USP32: variants seen among roughly 807,000 people sequenced by gnomAD.
USP32 encodes the protein ubiquitin carboxyl-terminal hydrolase 32.
Under a neutral mutation model 204.8 loss-of-function variants are expected in USP32, and 59 were observed. That is an observed-to-expected ratio of 0.29 (90% CI 0.23 to 0.36). The LOEUF (loss-of-function observed/expected upper bound fraction) is 0.36. USP32 is among the 10% of genes least tolerant of loss of function. USP32 has a pLI of 1.00. For synonymous variants in USP32, 517 were observed against 678.4 expected (o/e 0.76, Z 3.70); for missense variants, 1,160 against 1,946.4 (o/e 0.60, Z 7.60).
intron 1 of USP32, among the ~76,000 whole-genome samples, chr17:60,373,050 G>A (rs538618494): frequency 5.7e-4 from 86 of 151,952 alleles, no homozygotes; most frequent in African/African-American, 1.8e-3. Flanking sequence ...ACCCATAGTC[G>A]CAGCTACTCT....
chr17:60,305,776 G>A (rs2087708215), intron 2 of USP32, among the ~76,000 whole-genome samples: 1 of 152,148 alleles, frequency 6.6e-6, no homozygotes, highest in Admixed American at 6.5e-5. Context: ...AGCAGTGAGG[G>A]TAAAATTAAG....
chr17:60,283,046 A>T (rs1328342563), intron 5 of USP32, among the ~76,000 whole-genome samples: 1 of 152,378 alleles, frequency 6.6e-6, no homozygotes, highest in Non-Finnish European at 1.5e-5. Context: ...GTGTTGCAGA[A>T]ATGCAAATAG....
At position 60,419,849 on chromosome 17, in the gene USP32, T is replaced by TTA. The variant is rs1254283674; in HGVS notation, c.106+2395_106+2396dup. On this transcript the variant is annotated intron_variant, in intron 1 of 3. Transcript: ENST00000588898. ...ATTATTATTATTATTATTATTATTA[T>TTA]TATTATTATTATTTTATTATTATTA... 2.7e-3 allele frequency among the ~76,000 whole-genome samples: 354 copies of TTA among 131,206 alleles called. 3 individuals carry two copies. The highest frequency in any genetic ancestry group is 0.011 in the African/African-American group (327 of 29,662). 86.1% of individuals were successfully genotyped at this position (131,206 alleles called of 152,430 possible).
At chr17:60,223,685 T>TAC in intron 13 of USP32, 99 bp from the exon 14 acceptor site, 2 of 1,022,784 alleles carry the variant, frequency 2.0e-6, no homozygotes, top group Non-Finnish European at 2.8e-6. Flanking sequence ...TATTACTCTG[T>TAC]TGACATGTCA....
intron 1 of USP32, among the ~76,000 whole-genome samples, chr17:60,401,243 G>A (rs2089932937): frequency 6.6e-6 from 1 of 151,882 alleles, no homozygotes; most frequent in African/African-American, 2.4e-5. Flanking sequence ...GGTGGTGGGC[G>A]CCTGTAGTCC....
intron 1 of USP32, among the ~76,000 whole-genome samples, chr17:60,361,113 A>G (rs955687588): frequency 6.6e-6 from 1 of 152,188 alleles, no homozygotes; most frequent in Non-Finnish European, 1.5e-5. Flanking sequence ...TGGGCAACAG[A>G]GCAACACTCT....
At chr17:60,392,583 A>G (rs2146148447), upstream of USP32, 1 of 441,116 alleles carries the variant, frequency 2.3e-6, no homozygotes, top group East Asian at 8.0e-5. Context: ...GGAAGACCGC[A>G]GAATCTTAGG....
intron 1 of USP32, among the ~76,000 whole-genome samples, chr17:60,385,730 T>C (rs1300470713): frequency 6.7e-6 from 1 of 149,990 alleles, no homozygotes; most frequent in Non-Finnish European, 1.5e-5. Flanking sequence ...TAATCCCAGC[T>C]ACTTGGAAGG....
chr17:60,365,967 C>T (rs1488867370), intron 1 of USP32, among the ~76,000 whole-genome samples: 1 of 152,058 alleles, frequency 6.6e-6, no homozygotes, highest in Non-Finnish European at 1.5e-5. Context: ...GTCTCGCTCC[C>T]TTTTTCTTGT....
chr17:60,248,575 T>G (rs1170443715), intron 11 of USP32, among the ~76,000 whole-genome samples: 2 of 152,210 alleles, frequency 1.3e-5, no homozygotes, highest in African/African-American at 4.8e-5. Flanking sequence ...TGAAATAATC[T>G]CTATTGATCC....
chr17:60,251,864 G>C (rs894474244), intron 11 of USP32, among the ~76,000 whole-genome samples: 1 of 151,856 alleles, frequency 6.6e-6, no homozygotes, highest in African/African-American at 2.4e-5. Context: ...TTCAAAGAAG[G>C]CTTTATTCTA....
chr17:60,248,345 T>C (rs561153727), intron 11 of USP32, among the ~76,000 whole-genome samples: 9 of 152,342 alleles, frequency 5.9e-5, no homozygotes, highest in South Asian at 2.1e-4. Flanking sequence ...TATGTCTAGG[T>C]GTGATTCTTT....
intron 1 of USP32, among the ~76,000 whole-genome samples, chr17:60,405,143 C>T (rs975928496): frequency 9.2e-5 from 14 of 152,004 alleles, no homozygotes; most frequent in South Asian, 2.1e-4. Context: ...CCAGCCTAGG[C>T]GACAGAGCAA....
rs913133975 is a variant in USP32, at chr17:60,419,316, G to A, written c.106+2930C>T. Among the ~76,000 whole-genome samples, 3 of 152,284 alleles carry A rather than the reference G, an allele frequency of 2.0e-5. No homozygotes were observed. In the South Asian group the frequency reaches 6.2e-4, roughly 32 times the overall value. On this transcript the variant is annotated intron_variant, in intron 1 of 3. Transcript: ENST00000588898. ...CTTATAAGTAGGAGCTAAATGATGA[G>A]AACACATGAACACGTAGAGGGGAAC... is the stretch of plus-strand genomic sequence containing the variant.
intron 12 of USP32, among the ~76,000 whole-genome samples, chr17:60,229,770 T>C (rs2085493838): frequency 1.3e-5 from 2 of 152,232 alleles, no homozygotes; most frequent in African/African-American, 2.4e-5. Flanking sequence ...TATACTCACT[T>C]CTATATTCCA....
intron 1 of USP32, among the ~76,000 whole-genome samples, chr17:60,397,776 T>A (rs1355364987): frequency 2.0e-5 from 3 of 152,208 alleles, no homozygotes; most frequent in South Asian, 4.1e-4. Flanking sequence ...CAATAACTAT[T>A]ATCCTGATAC....
intron 2 of USP32, among the ~76,000 whole-genome samples, chr17:60,344,509 G>A (rs1160579904): frequency 6.6e-6 from 1 of 152,042 alleles, no homozygotes; most frequent in East Asian, 1.9e-4. Flanking sequence ...GAGTGCAGTG[G>A]TGCAATCATA....
chr17:60,207,803 T>C lies in USP32; in HGVS notation c.2925+256A>G, dbSNP rs1003157795. On this transcript the variant is annotated intron_variant, in intron 24 of 33. Transcript: ENST00000300896. ...GAAACCTATACTATAGTGACACAGC[T>C]AGAACACTCCATATAGGCAGCCTTA... The C allele has an allele frequency of 1.5e-5, 6 of 389,636 alleles. No homozygotes were observed. In the Admixed American group the frequency reaches 2.5e-4, roughly 16 times the overall value. The allele number at this position is 389,636 out of a possible 1,614,324, so 24.1% of individuals were successfully genotyped here.
intron 17 of USP32, among the ~76,000 whole-genome samples, chr17:60,213,945 G>GTTTTTTT (rs1318250567): frequency 7.2e-6 from 1 of 139,622 alleles, no homozygotes; most frequent in Non-Finnish European, 1.6e-5. Context: ...TTTGTTTTTT[G>GTTTTTTT]TTTTTTTTTT....
Sources: allele counts gnomAD v4.1 joint callset (sites outside exome capture counted in the v4.1 genomes callset), GRCh38; gene constraint gnomAD v4.1.1; transcripts MANE v1.5; gene names NCBI Gene and HGNC (gene_info 2026-07-23, HGNC 2026-07-21).